Variants in NUDCD1 observed in about 807,000 individuals in gnomAD.
The protein encoded by NUDCD1 is nudC domain-containing protein 1.
NUDCD1 carries 60 observed loss-of-function variants against 67.8 expected under a neutral mutation model. That is an observed-to-expected ratio of 0.88 (90% CI 0.72 to 1.10). The LOEUF (loss-of-function observed/expected upper bound fraction) is 1.10, where lower values mean the gene tolerates loss of function less well. Among genes scored for constraint, NUDCD1 ranks in the 50% least tolerant of loss-of-function variants. NUDCD1 has a pLI of 0.00. For synonymous variants in NUDCD1, 244 were observed against 230.8 expected (o/e 1.06, Z -0.52); for missense variants, 643 against 695.0 (o/e 0.93, Z 0.84).
At chr8:109,330,819 T>A (rs1181955772) in intron 1 of NUDCD1, among the ~76,000 whole-genome samples, 3 of 152,090 alleles carry the variant, frequency 2.0e-5, no homozygotes, top group Non-Finnish European at 1.5e-5. Flanking sequence ...TTCTCACTTG[T>A]AAGTGGGAGC....
At chr8:109,290,364 G>C (rs918868388) in intron 4 of NUDCD1, among the ~76,000 whole-genome samples, 1 of 151,956 alleles carries the variant, frequency 6.6e-6, no homozygotes, top group Non-Finnish European at 1.5e-5. Flanking sequence ...CAACATGACC[G>C]GCTTACTTGG....
chr8:109,283,571 T>C (rs532147812), intron 5 of NUDCD1, among the ~76,000 whole-genome samples: 1 of 152,296 alleles, frequency 6.6e-6, no homozygotes, highest in South Asian at 2.1e-4. Flanking sequence ...CCCATTAGGC[T>C]AACAGCAGAC....
chr8:109,266,090 ATAATTT>A (rs1309468348), intron 8 of NUDCD1, among the ~76,000 whole-genome samples: 1 of 151,762 alleles, frequency 6.6e-6, no homozygotes, highest in East Asian at 1.9e-4. Context: ...AGCCACATAC[ATAATTT>A]TAAATTATCT....
intron 8 of NUDCD1, among the ~76,000 whole-genome samples, chr8:109,254,860 T>C (rs948032481): frequency 1.3e-5 from 2 of 152,170 alleles, no homozygotes; most frequent in Non-Finnish European, 2.9e-5. Context: ...GGATGCCAGA[T>C]TGAAACTTTA....
Position 109,241,858 on chromosome 8 carries a change from T to C in NUDCD1, c.*1151A>G, listed in dbSNP as rs754610086. On this transcript the variant is annotated 3_prime_UTR_variant, in exon 10 of 10. Coordinates refer to ENST00000239690, the MANE Select transcript of NUDCD1 (RefSeq NM_032869.4). ...TTAACTTCCTTATTAAAATATAAAA[T>C]CCAACTTGAGGTTTATATAAGATAC... The C allele has an allele frequency of 2.9e-4, 112 of 380,720 alleles. No homozygotes were observed. Among genetic ancestry groups the C allele is most frequent in the Non-Finnish European group, 4.7e-4 (102 of 215,446 alleles). The allele number at this position is 380,720 out of a possible 1,614,324, so 23.6% of individuals were successfully genotyped here.
At position 109,281,145 on chromosome 8, in the gene NUDCD1, T is replaced by C; in HGVS notation, c.851A>G (p.Glu284Gly). Residue 284 changes from glutamate to glycine, a missense_variant, in exon 6 of 10, where the codon GAA becomes GGA. Glu to Gly is a moderately conservative substitution (Grantham distance 98). Coordinates refer to ENST00000239690, the MANE Select transcript of NUDCD1 (RefSeq NM_032869.4). Reference protein sequence around the residue: ...KEPLYYWQQTEDDLTVTIRLP... With the variant: ...KEPLYYWQQTGDDLTVTIRLP... ...CCGTATGGTTACTGTCAAATCATCT[T>C]CAGTCTGTTGCCAGTAATACAGAGG... is the stretch of plus-strand genomic sequence containing the variant. 3 of 1,612,874 alleles carry C rather than the reference T, an allele frequency of 1.9e-6. No homozygotes were observed. The highest frequency in any genetic ancestry group is 2.5e-6 in the Non-Finnish European group (3 of 1,179,140).
intron 2 of NUDCD1, among the ~76,000 whole-genome samples, chr8:109,312,030 C>T (rs927441740): frequency 2.0e-5 from 3 of 151,990 alleles, no homozygotes; most frequent in South Asian, 2.1e-4. Context: ...CGGCTGGGCG[C>T]GGTGGCTCAT....
chr8:109,293,276 C>T (rs1228572569), intron 4 of NUDCD1, 68 bp downstream of exon 4: 27 of 802,552 alleles, frequency 3.4e-5, no homozygotes, highest in East Asian at 8.4e-5. Context: ...TTTACAGGGA[C>T]AGCTTTGTGT....
intron 4 of NUDCD1, among the ~76,000 whole-genome samples, chr8:109,291,088 T>A (rs1300645678): frequency 6.6e-6 from 1 of 152,168 alleles, no homozygotes; most frequent in African/African-American, 2.4e-5. Flanking sequence ...CAGAAAAGAA[T>A]AGGAAGCCTC....
chr8:109,278,443 T>A (rs547958960), intron 6 of NUDCD1, among the ~76,000 whole-genome samples: 3 of 152,294 alleles, frequency 2.0e-5, no homozygotes, highest in Non-Finnish European at 4.4e-5. Flanking sequence ...TAAATAAAAT[T>A]CACAGGTTTT....
intron 5 of NUDCD1, among the ~76,000 whole-genome samples, chr8:109,282,679 T>C (rs187821871): frequency 1.5e-5 from 1 of 67,598 alleles, no homozygotes; most frequent in Admixed American, 1.9e-4. Flanking sequence ...ACCGGGGTTG[T>C]CGGGGGGTGG....
At chr8:109,312,256 G>A (rs993005528) in intron 2 of NUDCD1, among the ~76,000 whole-genome samples, 2 of 132,116 alleles carry the variant, frequency 1.5e-5, no homozygotes, top group African/African-American at 2.9e-5. Flanking sequence ...AGCTGAAATC[G>A]CACCACTGCA....
At chr8:109,286,293 A>G (rs1302803314) in intron 5 of NUDCD1, among the ~76,000 whole-genome samples, 3 of 152,196 alleles carry the variant, frequency 2.0e-5, no homozygotes, top group African/African-American at 7.2e-5. Context: ...TCACAGAACT[A>G]GAAAACACTA....
intron 3 of NUDCD1, among the ~76,000 whole-genome samples, chr8:109,293,819 G>A (rs1256296037): frequency 6.6e-6 from 1 of 151,940 alleles, no homozygotes; most frequent in African/African-American, 2.4e-5. Context: ...ATGTGTGTAT[G>A]CCTTTTTCCT....
chr8:109,325,056 C>T (rs983973784), intron 1 of NUDCD1, among the ~76,000 whole-genome samples: 3 of 152,154 alleles, frequency 2.0e-5, no homozygotes, highest in African/African-American at 7.2e-5. Flanking sequence ...CTCCACTGCA[C>T]TCCAGCCTGG....
In NUDCD1 at chr8:109,316,551, A is replaced by T. The variant is rs540313209; in HGVS notation, c.273+5758T>A. 2.6e-5 allele frequency: 4 copies of T among 152,356 alleles called. No individual in the cohort carries two copies. The East Asian group carries it at 7.7e-4, about 29-fold the overall frequency. The allele number at this position is 152,356 out of a possible 1,614,324, so 9.4% of individuals were successfully genotyped here. A position where few individuals can be genotyped will look rare whatever the true frequency, so the allele number is the denominator to read the frequency against. ...AACAAAAAAAATTATTAAACAATAA[A>T]ATGGATATTGGAAGAGCTGTTTTCT... On this transcript the variant is annotated intron_variant, in intron 2 of 9. Transcript: ENST00000239690.
chr8:109,323,909 C>A (rs1815600611), intron 1 of NUDCD1, among the ~76,000 whole-genome samples: 2 of 152,036 alleles, frequency 1.3e-5, no homozygotes, highest in Admixed American at 1.3e-4. Context: ...TCCTATCTCT[C>A]ATCATATGCA....
intron 5 of NUDCD1, among the ~76,000 whole-genome samples, chr8:109,283,788 CAG>C (rs2129994482): frequency 6.6e-6 from 1 of 152,158 alleles, no homozygotes; most frequent in South Asian, 2.1e-4. Flanking sequence ...AAGTTCTAAA[CAG>C]GGAAACAAAA....
intron 8 of NUDCD1, 146 bp downstream of exon 8, chr8:109,270,859 G>A: frequency 1.9e-6 from 1 of 518,636 alleles, no homozygotes; most frequent in South Asian, 3.2e-5. Context: ...GAGTGTGGTA[G>A]TATGAAAAGA....
Sources: allele counts gnomAD v4.1 joint callset (sites outside exome capture counted in the v4.1 genomes callset), GRCh38; gene constraint gnomAD v4.1.1; transcripts MANE v1.5; gene names NCBI Gene and HGNC (gene_info 2026-07-23, HGNC 2026-07-21).